Variants in SCHIP1 observed in about 807,000 individuals in gnomAD.
The protein encoded by SCHIP1 is schwannomin-interacting protein 1.
Under a neutral mutation model 29.7 loss-of-function variants are expected in SCHIP1, and 8 were observed. The observed-to-expected ratio is 0.27, with a 90% CI of 0.16 to 0.49. The LOEUF (loss-of-function observed/expected upper bound fraction) is 0.49. Among genes scored for constraint, SCHIP1 ranks in the 20% least tolerant of loss-of-function variants. The probability of loss-of-function intolerance (pLI) is 0.99; values close to 1 mark genes in which losing one functional copy is unlikely to be tolerated. For missense variants in SCHIP1, 193 were observed against 294.6 expected, an observed-to-expected ratio of 0.66 and a Z score of 2.52; for synonymous variants, 76 against 94.9, an observed-to-expected ratio of 0.80 and a Z score of 1.16.
the SCHIP1 span, among the ~76,000 whole-genome samples, chr3:159,518,783 A>G: frequency 6.6e-6 from 1 of 152,242 alleles, no homozygotes; most frequent in South Asian, 2.1e-4. Context: ...ATATTCCTCC[A>G]ACAATTTCTA....
the SCHIP1 span, among the ~76,000 whole-genome samples, chr3:159,462,203 C>T: frequency 6.6e-6 from 1 of 151,830 alleles, no homozygotes; most frequent in Non-Finnish European, 1.5e-5. Context: ...AGCAAGACTC[C>T]ATCTCAAAAA....
chr3:159,792,741 C>T, the SCHIP1 span, among the ~76,000 whole-genome samples: 1 of 152,144 alleles, frequency 6.6e-6, no homozygotes, highest in Non-Finnish European at 1.5e-5. Flanking sequence ...AATTCAAATG[C>T]TTTAACCATT....
the SCHIP1 span, among the ~76,000 whole-genome samples, chr3:159,814,489 G>A: frequency 2.0e-5 from 3 of 152,248 alleles, no homozygotes; most frequent in Admixed American, 6.5e-5. Flanking sequence ...GGGTATAGCA[G>A]AGAGTAAACA....
At chr3:159,622,127 T>A in the SCHIP1 span, among the ~76,000 whole-genome samples, 22 of 152,338 alleles carry the variant, frequency 1.4e-4, no homozygotes, top group South Asian at 4.6e-3. Context: ...AGCTCTGTTT[T>A]CAGTCAGGCT....
the SCHIP1 span, among the ~76,000 whole-genome samples, chr3:159,603,448 T>C: frequency 6.6e-6 from 1 of 151,518 alleles, no homozygotes; most frequent in Non-Finnish European, 1.5e-5. Context: ...GTCCCAACTC[T>C]CTAATCCTGC....
the SCHIP1 span, among the ~76,000 whole-genome samples, chr3:159,587,834 T>C: frequency 6.6e-6 from 1 of 152,234 alleles, no homozygotes; most frequent in Admixed American, 6.5e-5. Context: ...TTCCATGGTG[T>C]ATATGTGCCA....
At chr3:159,316,500 A>T in the SCHIP1 span, among the ~76,000 whole-genome samples, 3 of 152,156 alleles carry the variant, frequency 2.0e-5, no homozygotes, top group Non-Finnish European at 4.4e-5. Context: ...GTCAATCTCT[A>T]TTGGCAATAC....
At chr3:159,710,221 T>G in the SCHIP1 span, among the ~76,000 whole-genome samples, 1 of 152,174 alleles carries the variant, frequency 6.6e-6, no homozygotes. Context: ...GCTTTTTTTT[T>G]AATACGCTAG....
the SCHIP1 span, among the ~76,000 whole-genome samples, chr3:159,585,927 A>G: frequency 6.6e-6 from 1 of 152,134 alleles, no homozygotes; most frequent in African/African-American, 2.4e-5. Flanking sequence ...CATCATCCCT[A>G]CCTACCTAGT....
the SCHIP1 span, among the ~76,000 whole-genome samples, chr3:159,582,787 TACACAC>T: frequency 8.0e-3 from 1,148 of 144,230 alleles, 13 homozygotes; most frequent in African/African-American, 0.026. Flanking sequence ...AATATATATA[TACACAC>T]ACACACACAC....
At chr3:159,651,169 A>G in the SCHIP1 span, among the ~76,000 whole-genome samples, 3 of 152,348 alleles carry the variant, frequency 2.0e-5, no homozygotes, top group South Asian at 2.1e-4. Context: ...CAAAAGGGAA[A>G]ATATACAATT....
the SCHIP1 span, among the ~76,000 whole-genome samples, chr3:159,604,687 A>G: frequency 3.9e-5 from 6 of 152,236 alleles, no homozygotes; most frequent in African/African-American, 1.4e-4. Flanking sequence ...AAGTTGTTTC[A>G]ATATCTAAAC....
the SCHIP1 span, among the ~76,000 whole-genome samples, chr3:159,744,502 A>G: frequency 6.6e-6 from 1 of 152,236 alleles, no homozygotes; most frequent in Non-Finnish European, 1.5e-5. Flanking sequence ...TTATCTATAA[A>G]TTACATTTCA....
At chr3:159,462,261 A>G in the SCHIP1 span, among the ~76,000 whole-genome samples, 3 of 151,964 alleles carry the variant, frequency 2.0e-5, no homozygotes, top group Non-Finnish European at 4.4e-5. Flanking sequence ...AAATGTCACC[A>G]CCAGAGGTAC....
chr3:159,302,200 G>A, the SCHIP1 span, among the ~76,000 whole-genome samples: 1 of 152,182 alleles, frequency 6.6e-6, no homozygotes, highest in African/African-American at 2.4e-5. Context: ...AGCCTGTGAT[G>A]TCAAGGTGAC....
the SCHIP1 span, among the ~76,000 whole-genome samples, chr3:159,472,525 G>T: frequency 3.3e-5 from 5 of 152,272 alleles, no homozygotes; most frequent in Admixed American, 6.5e-5. Context: ...CCCTGAATCA[G>T]AGAAGCTGAT....
chr3:159,710,792 A>G, the SCHIP1 span, among the ~76,000 whole-genome samples: 1 of 152,220 alleles, frequency 6.6e-6, no homozygotes, highest in Non-Finnish European at 1.5e-5. Flanking sequence ...TAAAATATGA[A>G]TAAATCTGCT....
At chr3:159,850,461 G>A (rs916571567) in intron 1 of SCHIP1, among the ~76,000 whole-genome samples, 1 of 145,292 alleles carries the variant, frequency 6.9e-6, no homozygotes, top group South Asian at 2.2e-4. Flanking sequence ...GGCTGAAATC[G>A]AAGAATCACT....
chr3:159,333,514 T>TACACACACAC, the SCHIP1 span, among the ~76,000 whole-genome samples: 1 of 151,220 alleles, frequency 6.6e-6, no homozygotes, highest in African/African-American at 2.4e-5. Context: ...TACACAAACA[T>TACACACACAC]ACACACACAC....
Sources: allele counts gnomAD v4.1 joint callset (sites outside exome capture counted in the v4.1 genomes callset), GRCh38; gene constraint gnomAD v4.1.1; transcripts MANE v1.5; gene names NCBI Gene and HGNC (gene_info 2026-07-23, HGNC 2026-07-21).